The following MAFK variants were observed in gnomAD, a reference collection of about 807,000 sequenced individuals.
MAFK encodes the protein MAF bZIP transcription factor K.
Under a neutral mutation model 9.2 loss-of-function variants are expected in MAFK, and 1 was observed. The ratio of observed to expected loss-of-function variants is 0.11; its 90% confidence interval spans 0.04 to 0.52. The LOEUF is 0.52. MAFK is among the 20% of genes least tolerant of loss of function. The pLI, the probability that MAFK is intolerant of heterozygous loss-of-function variation, is 0.94. For synonymous variants in MAFK, 110 were observed against 107.4 expected, an observed-to-expected ratio of 1.02 and a Z score of -0.15; for missense variants, 207 against 236.0, an observed-to-expected ratio of 0.88 and a Z score of 0.81.
At chr7:1,539,314 TCCTGAG>T in intron 2 of MAFK, 86 bp downstream of exon 2, 1 of 1,167,022 alleles carries the variant, frequency 8.6e-7, no homozygotes, top group Non-Finnish European at 1.2e-6. Context: ...CCCAGGGCCG[TCCTGAG>T]CCTGTGATGG....
chr7:1,537,333 A>G (rs1784055423), intron 1 of MAFK: 4 of 960,396 alleles, frequency 4.2e-6, no homozygotes, highest in Admixed American at 6.2e-5. Flanking sequence ...GTGTGTGGGA[A>G]TGCGCGCGGC....
Position 1,542,877 on chromosome 7 carries a change from C to G in MAFK, c.*2502C>G, listed in dbSNP as rs1273657660. On this transcript the variant is annotated 3_prime_UTR_variant, in exon 3 of 3. Coordinates refer to ENST00000343242, the MANE Select transcript of MAFK (RefSeq NM_002360.4). The stretch of plus-strand genomic sequence containing the variant: ...TCCATTTCATTATTTATTTTTTGTG[C>G]TGCTTTTTATCATGATATAAATTAT... 1 of 152,636 alleles carries G rather than the reference C, an allele frequency of 6.6e-6. No homozygotes were observed. The highest frequency in any genetic ancestry group is 1.5e-5 in the Non-Finnish European group (1 of 68,052). 9.5% of individuals were successfully genotyped at this position (152,636 alleles called of 1,614,324 possible).
At chr7:1,536,340 C>A (rs1035327807) in intron 1 of MAFK, among the ~76,000 whole-genome samples, 1 of 152,134 alleles carries the variant, frequency 6.6e-6, no homozygotes, top group African/African-American at 2.4e-5. Context: ...AGACACAATG[C>A]GAGGACGTCG....
rs1395471725 is a variant in MAFK at position 1,534,352 on chromosome 7, A to C, written c.-45+3454A>C. The C allele has an allele frequency of 2.4e-5, 11 of 452,242 alleles. No homozygotes were observed. In the Admixed American group the frequency reaches 2.6e-4, roughly 11 times the overall value. 28.0% of individuals were successfully genotyped at this position (452,242 alleles called of 1,614,324 possible). A position where few individuals can be genotyped will look rare whatever the true frequency, so the allele number is the denominator to read the frequency against. On this transcript the variant is annotated intron_variant, in intron 1 of 2. Transcript: ENST00000343242. The surrounding 1 kb of genome is among the most constrained non-coding windows in gnomAD (Gnocchi z 4.3). Reference sequence around the variant, plus strand: ...TACCAGTGCCACAGCGGCCCCACCTACCCTTGCGGCCCAGTGTGGAGGGCA... The same window carrying C: ...TACCAGTGCCACAGCGGCCCCACCTCCCCTTGCGGCCCAGTGTGGAGGGCA...
rs573879167 is a variant in MAFK, at chr7:1,538,468, C to T, written c.-44-681C>T. 135 of 161,060 alleles carry T rather than the reference C, an allele frequency of 8.4e-4. 2 individuals are homozygous for T. In the South Asian group the frequency reaches 0.024, roughly 29 times the overall value. 10.0% of individuals were successfully genotyped at this position (161,060 alleles called of 1,614,324 possible). A position where few individuals can be genotyped will look rare whatever the true frequency, so the allele number is the denominator to read the frequency against. On this transcript the variant is annotated intron_variant, in intron 1 of 2. Coordinates refer to ENST00000343242, the MANE Select transcript of MAFK (RefSeq NM_002360.4). ...GCGGCCAGGGCCGTGGTAGGTGTCC[C>T]GTGGCCTGTGGGGAGGGCGGGGCGG...
At chr7:1,533,540 G>T (rs1333276914) in intron 1 of MAFK, among the ~76,000 whole-genome samples, 1 of 152,220 alleles carries the variant, frequency 6.6e-6, no homozygotes, top group Non-Finnish European at 1.5e-5. Flanking sequence ...TGGGGTGGGG[G>T]AGTCGGGGTT....
At position 1,534,692 on chromosome 7, in the gene MAFK, T is replaced by C. The variant is rs1472934113; in HGVS notation, c.-45+3794T>C. On this transcript the variant is annotated intron_variant, in intron 1 of 2. Transcript: ENST00000343242. The surrounding 1 kb of genome is among the most constrained non-coding windows in gnomAD (Gnocchi z 4.3). ...CTGAGGGGGTGGGGCATGGAGTCTGTGTCATCATTCACCCCTTGGGCAAGA... is the reference window on the plus strand; with the variant it reads ...CTGAGGGGGTGGGGCATGGAGTCTGCGTCATCATTCACCCCTTGGGCAAGA... The C allele has an allele frequency of 3.7e-5, 17 of 455,126 alleles. No homozygotes were observed. In the East Asian group the frequency reaches 1.1e-3, roughly 30 times the overall value. The allele number at this position is 455,126 out of a possible 1,614,324, so 28.2% of individuals were successfully genotyped here.
At position 1,534,294 on chromosome 7, in the gene MAFK, C is replaced by T. The variant is rs749595742; in HGVS notation, c.-45+3396C>T. The T allele has an allele frequency of 5.7e-5, 26 of 455,602 alleles. No individual in the cohort carries two copies. Among genetic ancestry groups the T allele is most frequent in the South Asian group, 1.9e-4 (12 of 64,564 alleles). The allele number at this position is 455,602 out of a possible 1,614,324, so 28.2% of individuals were successfully genotyped here. A position where few individuals can be genotyped will look rare whatever the true frequency, so the allele number is the denominator to read the frequency against. On this transcript the variant is annotated intron_variant, in intron 1 of 2. Transcript: ENST00000343242. This position sits in a 1 kb window ranked among gnomAD's most constrained non-coding sequence, Gnocchi z 4.3. ...TGGGACCAGCTGGGCTGCAATTAGT[C>T]GGTTGACACCTGTTTGACAGGCACC...
At chr7:1,539,254 G>T in intron 2 of MAFK, 26 bp downstream of exon 2, 1 of 1,596,528 alleles carries the variant, frequency 6.3e-7, no homozygotes, top group Middle Eastern at 1.7e-4. Flanking sequence ...AGCAGGCCCC[G>T]TCTCAAGCAC....
chr7:1,535,909 C>T (rs530849030), intron 1 of MAFK, among the ~76,000 whole-genome samples: 7 of 152,234 alleles, frequency 4.6e-5, no homozygotes, highest in Non-Finnish European at 7.3e-5. Flanking sequence ...GTCACTCATC[C>T]CCAGCTGCAG....
Position 1,532,081 on chromosome 7 carries a change from ATC to A in MAFK, c.-45+1185_-45+1186del, listed in dbSNP as rs1783919316. The stretch of plus-strand genomic sequence containing the variant: ...CGCCCCCCATCGTGGTCTAGGGGAT[ATC>A]TGTGTGGTTCGGCTCTGGCAGCGCC... On this transcript the variant is annotated intron_variant, in intron 1 of 2. Transcript: ENST00000343242. The surrounding 1 kb of genome is among the most constrained non-coding windows in gnomAD (Gnocchi z 4.5). Among the ~76,000 whole-genome samples, 1 of 152,234 alleles carries A rather than the reference ATC, an allele frequency of 6.6e-6. No individual in the cohort carries two copies. The highest frequency in any genetic ancestry group is 2.4e-5 in the African/African-American group (1 of 41,538).
rs1783971526 is a variant in MAFK at position 1,534,211 on chromosome 7, T to C, written c.-45+3313T>C. ...GGCTGTGTCCGGGACAGCCGGACAG[T>C]GGGGGCCCTCGCAGTGTAGGACCTC... On this transcript the variant is annotated intron_variant, in intron 1 of 2. Coordinates refer to ENST00000343242, the MANE Select transcript of MAFK (RefSeq NM_002360.4). This position sits in a 1 kb window ranked among gnomAD's most constrained non-coding sequence, Gnocchi z 4.3. 2 of 454,776 alleles carry C rather than the reference T, an allele frequency of 4.4e-6. No individual in the cohort carries two copies. The highest frequency in any genetic ancestry group is 4.0e-5 in the African/African-American group (2 of 50,002). The allele number at this position is 454,776 out of a possible 1,614,324, so 28.2% of individuals were successfully genotyped here.
intron 1 of MAFK, among the ~76,000 whole-genome samples, chr7:1,533,693 A>G (rs958718440): frequency 1.3e-5 from 2 of 151,110 alleles, no homozygotes; most frequent in African/African-American, 4.9e-5. Context: ...CTGTGGGTTC[A>G]GGCGGGTGAT....
chr7:1,530,793 C>T lies in MAFK; in HGVS notation c.-150C>T, dbSNP rs1333512160. The stretch of plus-strand genomic sequence containing the variant: ...CTTCGCGAAGTCGGAGCCCGAGCGC[C>T]AGGCGGCGGCGGCGGCCGAGGGGAG... On this transcript the variant is annotated 5_prime_UTR_variant, in exon 1 of 3. Transcript: ENST00000343242. 1 of 148,340 alleles carries T rather than the reference C, an allele frequency of 6.7e-6. No individual in the cohort carries two copies. The highest frequency in any genetic ancestry group is 2.5e-5 in the African/African-American group (1 of 40,806). The allele number at this position is 148,340 out of a possible 1,614,324, so 9.2% of individuals were successfully genotyped here. A position where few individuals can be genotyped will look rare whatever the true frequency, so the allele number is the denominator to read the frequency against.
At position 1,540,560 on chromosome 7, in the gene MAFK, C is replaced by G. The variant is rs1784154763; in HGVS notation, c.*185C>G. The G allele has an allele frequency of 1.6e-6, 1 of 637,492 alleles. No homozygotes were observed. Among genetic ancestry groups the G allele is most frequent in the Admixed American group, 3.3e-5 (1 of 30,150 alleles). 39.5% of individuals were successfully genotyped at this position (637,492 alleles called of 1,614,324 possible). A position where few individuals can be genotyped will look rare whatever the true frequency, so the allele number is the denominator to read the frequency against. On this transcript the variant is annotated 3_prime_UTR_variant, in exon 3 of 3. Coordinates refer to ENST00000343242, the MANE Select transcript of MAFK (RefSeq NM_002360.4). The stretch of plus-strand genomic sequence containing the variant: ...GGGTGAAGAGTGGGCTCCCGTGGGC[C>G]CAGAGCTGCACGCCGGTCCACAGAC...
At position 1,543,030 on chromosome 7, in the gene MAFK, T is replaced by G. The variant is rs947845324; in HGVS notation, c.*2655T>G. The G allele has an allele frequency of 6.6e-6, 1 of 152,654 alleles. No individual in the cohort carries two copies. The highest frequency in any genetic ancestry group is 2.4e-5 in the African/African-American group (1 of 41,450). The allele number at this position is 152,654 out of a possible 1,614,324, so 9.5% of individuals were successfully genotyped here. On this transcript the variant is annotated 3_prime_UTR_variant, in exon 3 of 3. Coordinates refer to ENST00000343242, the MANE Select transcript of MAFK (RefSeq NM_002360.4). ...CTTTTGTACCTTTGCAATAAAGAAT[T>G]TTCTGGTTTCAGACCCTTTCGTTGC...
chr7:1,531,317 G>T (rs892821418), intron 1 of MAFK, among the ~76,000 whole-genome samples: 24 of 151,734 alleles, frequency 1.6e-4, no homozygotes, highest in Non-Finnish European at 4.4e-5. Flanking sequence ...CGGGCGCGTG[G>T]ATTCTCCGCG....
At chr7:1,536,454 C>T (rs947295894) in intron 1 of MAFK, among the ~76,000 whole-genome samples, 2 of 152,214 alleles carry the variant, frequency 1.3e-5, no homozygotes, top group African/African-American at 4.8e-5. Flanking sequence ...GTCTCTGCGA[C>T]CCCAGGCACG....
intron 1 of MAFK, among the ~76,000 whole-genome samples, chr7:1,531,334 G>T (rs1188571041): frequency 6.6e-6 from 1 of 151,922 alleles, no homozygotes; most frequent in Non-Finnish European, 1.5e-5. Context: ...CGCGGCTTCC[G>T]CCCCAGCGTG....
Sources: allele counts gnomAD v4.1 joint callset (sites outside exome capture counted in the v4.1 genomes callset), GRCh38; gene constraint gnomAD v4.1.1; non-coding constraint Gnocchi (gnomAD v3.1); transcripts MANE v1.5; gene names NCBI Gene and HGNC (gene_info 2026-07-23, HGNC 2026-07-21).